CMYA5: variants seen among roughly 807,000 people sequenced by gnomAD.
CMYA5 encodes the protein cardiomyopathy-associated protein 5.
CMYA5 carries 246 observed loss-of-function variants against 318.9 expected under a neutral mutation model. That is an observed-to-expected ratio of 0.77 (90% CI 0.70 to 0.86). The LOEUF (loss-of-function observed/expected upper bound fraction) is 0.86. CMYA5 is among the 40% of genes least tolerant of loss of function. The pLI, the probability that CMYA5 is intolerant of heterozygous loss-of-function variation, is 0.00. For missense variants in CMYA5, 4,589 were observed against 4,678.2 expected (o/e 0.98, Z 0.56); for synonymous variants, 1,641 against 1,729.5 (o/e 0.95, Z 1.27).
intron 9 of CMYA5, among the ~76,000 whole-genome samples, chr5:79,766,952 G>A (rs1213893347): frequency 1.3e-5 from 2 of 152,124 alleles, no homozygotes; most frequent in African/African-American, 4.8e-5. Context: ...TTTTTGGTTG[G>A]TAGGATATTA....
intron 5 of CMYA5, among the ~76,000 whole-genome samples, chr5:79,748,857 A>G (rs1004447208): frequency 1.1e-4 from 16 of 152,172 alleles, no homozygotes; most frequent in Admixed American, 9.2e-4. Flanking sequence ...CTTTTTATCC[A>G]AAAAGCACAT....
chr5:79,762,064 GTT>G, intron 8 of CMYA5, 107 bp downstream of exon 8: 1 of 1,236,638 alleles, frequency 8.1e-7, no homozygotes, highest in South Asian at 2.0e-5. Context: ...TGTGTTGAGT[GTT>G]GTGCAAAGTG....
rs560368604 is a variant in CMYA5, at chr5:79,735,072, G to A, written c.6307G>A (p.Glu2103Lys). The change falls in exon 2 of 13, where the codon GAA (glutamate) becomes AAA (lysine). Residue 2103 changes from glutamate (E) to lysine (K), a missense_variant. This residue lies in a region of CMYA5 where 2,431 missense variants were observed against 2,495.1 expected (regional missense o/e 0.97). Transcript: ENST00000446378. ...TPPFPEEKPL[E>K]ESKMVQSKVI... The stretch of plus-strand genomic sequence containing the variant: ...TCCTTTTCCTGAAGAGAAGCCATTG[G>A]AAGAATCAAAAATGGTTCAGTCAAA... 11 of 1,613,680 alleles carry A rather than the reference G, an allele frequency of 6.8e-6. No individual in the cohort carries two copies. Among genetic ancestry groups the A allele is most frequent in the Non-Finnish European group, 9.3e-6 (11 of 1,179,810 alleles).
At position 79,689,857 on chromosome 5, in the gene CMYA5, C is replaced by T; in HGVS notation, c.-51C>T. ...GAGCAGTCGGAGGGAGAACACCAGGCGCGGCGCGGGCGGCTCCGGCTCCGG... is the reference window on the plus strand; with the variant it reads ...GAGCAGTCGGAGGGAGAACACCAGGTGCGGCGCGGGCGGCTCCGGCTCCGG... On this transcript the variant is annotated 5_prime_UTR_variant, in exon 1 of 13. Coordinates refer to ENST00000446378, the MANE Select transcript of CMYA5 (RefSeq NM_153610.5). 1 of 641,876 alleles carries T rather than the reference C, an allele frequency of 1.6e-6. No individual in the cohort carries two copies. Among genetic ancestry groups the T allele is most frequent in the South Asian group, 1.7e-5 (1 of 58,422 alleles). The allele number at this position is 641,876 out of a possible 1,614,324, so 39.8% of individuals were successfully genotyped here.
At position 79,733,379 on chromosome 5, in the gene CMYA5, G is replaced by A. The variant is rs1561208871; in HGVS notation, c.4614G>A (p.Lys1538=). 1 of 1,613,404 alleles carries A rather than the reference G, an allele frequency of 6.2e-7. No homozygotes were observed. Among genetic ancestry groups the A allele is most frequent in the Non-Finnish European group, 8.5e-7 (1 of 1,179,814 alleles). The change falls in exon 2 of 13, where the codon AAG becomes AAA. Residue 1538 remains lysine, a synonymous_variant. Transcript: ENST00000446378. ...ELPLSLWGEI[K]KKETELPSSQ... ...CACTCAGCCTATGGGGTGAGATAAA[G>A]AAGAAAGAAACTGAACTTCCTTCAT... is the stretch of plus-strand genomic sequence containing the variant.
At position 79,737,849 on chromosome 5, in the gene CMYA5, A is replaced by C; in HGVS notation, c.9084A>C (p.Lys3028Asn). Residue 3028 changes from lysine (K) to asparagine (N), a missense_variant, in exon 2 of 13, where the codon AAA (lysine) becomes AAC (asparagine). This residue lies in a region of CMYA5 where 2,431 missense variants were observed against 2,495.1 expected (regional missense o/e 0.97). Coordinates refer to ENST00000446378, the MANE Select transcript of CMYA5 (RefSeq NM_153610.5). Reference protein sequence around the residue: ...ENKQKETHKTKEEISTDSETD... With the variant: ...ENKQKETHKTNEEISTDSETD... ...AACAAAAGGAAACTCATAAGACAAA[A>C]GAAGAGATATCCACAGATTCAGAAA... 1 of 1,602,116 alleles carries C rather than the reference A, an allele frequency of 6.2e-7. No homozygotes were observed. The highest frequency in any genetic ancestry group is 8.5e-7 in the Non-Finnish European group (1 of 1,177,036).
chr5:79,789,130 G>A lies in CMYA5; in HGVS notation c.11689+26G>A, dbSNP rs762517602. ...GTACTTTCTCCTTTGCACACAGTGA[G>A]CTATTTCCAAGCTATTTCTTCCCTT... On this transcript the variant is annotated intron_variant, in intron 10 of 12. Transcript: ENST00000446378. 1.9e-6 allele frequency: 3 copies of A among 1,611,540 alleles called. 1 individual carries two copies. The South Asian group carries it at 3.3e-5, about 18-fold the overall frequency.
At position 79,731,530 on chromosome 5, in the gene CMYA5, C is replaced by G. The variant is rs775682577; in HGVS notation, c.2765C>G (p.Ser922Cys). The change falls in exon 2 of 13, where the codon TCT becomes TGT. Residue 922 changes from serine to cysteine, a missense_variant. Coordinates refer to ENST00000446378, the MANE Select transcript of CMYA5 (RefSeq NM_153610.5). ...CAGGAGGAAGAAATTGTCCATAGATCTCTAAATCTAAAAGGTGCATCCTCA... is the reference window on the plus strand; with the variant it reads ...CAGGAGGAAGAAATTGTCCATAGATGTCTAAATCTAAAAGGTGCATCCTCA... The part of the protein sequence containing the change: ...EAQEEEIVHR[S>C]LNLKGASSPM... 4 of 1,603,666 alleles carry G rather than the reference C, an allele frequency of 2.5e-6. No individual in the cohort carries two copies. The South Asian group carries it at 4.5e-5, about 18-fold the overall frequency.
chr5:79,728,076 T>C (rs35410765), intron 1 of CMYA5, among the ~76,000 whole-genome samples: 12,648 of 152,192 alleles, frequency 0.083, 879 homozygotes, highest in East Asian at 0.4. Context: ...GCTCACGAGA[T>C]AGGTTCTATT....
Position 79,731,560 on chromosome 5 carries a change from T to C in CMYA5, c.2795T>C (p.Met932Thr). 6.2e-7 allele frequency: 1 copy of C among 1,609,928 alleles called. No individual in the cohort carries two copies. The highest frequency in any genetic ancestry group is 8.5e-7 in the Non-Finnish European group (1 of 1,178,020). The stretch of plus-strand genomic sequence containing the variant: ...AATCTAAAAGGTGCATCCTCACCCA[T>C]GAATTTATCAGAAGAAGATCAAGAA... ...SLNLKGASSP[M>T]NLSEEDQEDI... The change falls in exon 2 of 13, where the codon ATG becomes ACG. Residue 932 changes from methionine to threonine, a missense_variant. Met to Thr is a moderately conservative substitution (Grantham distance 81). Coordinates refer to ENST00000446378, the MANE Select transcript of CMYA5 (RefSeq NM_153610.5).
chr5:79,770,134 A>G (rs1034727657), intron 9 of CMYA5, among the ~76,000 whole-genome samples: 5 of 152,084 alleles, frequency 3.3e-5, no homozygotes, highest in African/African-American at 1.2e-4. Flanking sequence ...AGCCTCAGTA[A>G]TGGCGGACGC....
At chr5:79,696,776 C>T (rs1041855473) in intron 1 of CMYA5, among the ~76,000 whole-genome samples, 3 of 152,112 alleles carry the variant, frequency 2.0e-5, no homozygotes, top group Non-Finnish European at 2.9e-5. Flanking sequence ...GAGGCCGAGA[C>T]GGGCAGGTCA....
chr5:79,728,935 A>T lies in CMYA5; in HGVS notation c.170A>T (p.Glu57Val). The T allele has an allele frequency of 6.3e-7, 1 of 1,580,476 alleles. No individual in the cohort carries two copies. Among genetic ancestry groups the T allele is most frequent in the South Asian group, 1.2e-5 (1 of 83,760 alleles). The change falls in exon 2 of 13, where the codon GAG (glutamate) becomes GTG (valine). Residue 57 changes from glutamate to valine, a missense_variant. Coordinates refer to ENST00000446378, the MANE Select transcript of CMYA5 (RefSeq NM_153610.5). ...PDSRLSDQDE[E>V]GKIKQEYIIS... ...TATAGGTTATCAGACCAGGATGAAG[A>T]GGGAAAGATCAAGCAGGAGTATATC...
chr5:79,716,350 G>A (rs1156659722), intron 1 of CMYA5, among the ~76,000 whole-genome samples: 1 of 152,188 alleles, frequency 6.6e-6, no homozygotes, highest in African/African-American at 2.4e-5. Context: ...CTGAATCTCA[G>A]AAATAGACAG....
chr5:79,785,035 G>A (rs1053163494), intron 9 of CMYA5, among the ~76,000 whole-genome samples: 17 of 142,934 alleles, frequency 1.2e-4, no homozygotes, highest in African/African-American at 3.6e-4. Context: ...TTTTTTTTTA[G>A]TATGGCTATC....
At position 79,715,515 on chromosome 5, in the gene CMYA5, C is replaced by A. The variant is rs188383990; in HGVS notation, c.150-13400C>A. Among the ~76,000 whole-genome samples the A allele has an allele frequency of 4.1e-3, 622 of 152,126 alleles. 6 individuals carry two copies. The highest frequency in any genetic ancestry group is 0.013 in the African/African-American group (529 of 41,482). On this transcript the variant is annotated intron_variant, in intron 1 of 12. Coordinates refer to ENST00000446378, the MANE Select transcript of CMYA5 (RefSeq NM_153610.5). Reference sequence around the variant, plus strand: ...TGTTAGCCAGGATGGTCTCGATCTCCTGACCTCGTCATCCACCCGCCTCGG... The same window carrying A: ...TGTTAGCCAGGATGGTCTCGATCTCATGACCTCGTCATCCACCCGCCTCGG...
chr5:79,735,791 T>C lies in CMYA5; in HGVS notation c.7026T>C (p.Asp2342=), dbSNP rs375426683. The C allele has an allele frequency of 6.4e-6, 10 of 1,556,304 alleles. No individual in the cohort carries two copies. The African/African-American group carries it at 1.2e-4, about 19-fold the overall frequency. ...AKTIVPPHVT[D]SKRVQKPAIA... Reference sequence around the variant, plus strand: ...CTATTGTTCCTCCTCATGTTACTGATAGTAAAAGAGTCCAGAAGCCAGCAA... The same window carrying C: ...CTATTGTTCCTCCTCATGTTACTGACAGTAAAAGAGTCCAGAAGCCAGCAA... Residue 2342 remains aspartate (D), a synonymous_variant, in exon 2 of 13, where the codon GAT becomes GAC. Coordinates refer to ENST00000446378, the MANE Select transcript of CMYA5 (RefSeq NM_153610.5).
chr5:79,776,223 C>T (rs1828936566), intron 9 of CMYA5, among the ~76,000 whole-genome samples: 1 of 152,086 alleles, frequency 6.6e-6, no homozygotes, highest in Non-Finnish European at 1.5e-5. Flanking sequence ...ATTTTCCACA[C>T]TATTATGAAC....
chr5:79,690,437 A>C (rs995415951), intron 1 of CMYA5, among the ~76,000 whole-genome samples: 1 of 152,164 alleles, frequency 6.6e-6, no homozygotes, highest in Non-Finnish European at 1.5e-5. Flanking sequence ...GTGAAGGCGC[A>C]CTGGTACCTT....
Sources: allele counts gnomAD v4.1 joint callset (sites outside exome capture counted in the v4.1 genomes callset), GRCh38; gene constraint gnomAD v4.1.1; regional missense constraint gnomAD v4.1.1; transcripts MANE v1.5; gene names NCBI Gene and HGNC (gene_info 2026-07-23, HGNC 2026-07-21).